The following MTOR variants were observed in gnomAD, a reference collection of about 807,000 sequenced individuals.
MTOR encodes the protein serine/threonine-protein kinase mTOR.
Under a neutral mutation model 319.8 loss-of-function variants are expected in MTOR, and 70 were observed. The observed-to-expected ratio is 0.22, with a 90% CI of 0.18 to 0.27. The LOEUF is 0.27. MTOR is among the 10% of genes least tolerant of loss of function. The pLI, the probability that MTOR is intolerant of heterozygous loss-of-function variation, is 1.00. For synonymous variants in MTOR, 1,183 were observed against 1,211.4 expected, an observed-to-expected ratio of 0.98 and a Z score of 0.49; for missense variants, 1,890 against 3,274.4, an observed-to-expected ratio of 0.58 and a Z score of 10.32.
intron 19 of MTOR, among the ~76,000 whole-genome samples, chr1:11,224,867 T>C (rs1365824367): frequency 1.3e-5 from 2 of 152,174 alleles, no homozygotes; most frequent in Non-Finnish European, 2.9e-5. Context: ...ACATCACTAC[T>C]GAGTAATAAA....
intron 32 of MTOR, among the ~76,000 whole-genome samples, chr1:11,145,725 A>G (rs574606230): frequency 1.3e-5 from 2 of 152,092 alleles, no homozygotes; most frequent in East Asian, 3.9e-4. Context: ...GCTGGTCTTG[A>G]ACTCCTGGTC....
At chr1:11,151,860 CCTCT>C (rs144062447) in intron 30 of MTOR, among the ~76,000 whole-genome samples, 2,956 of 152,256 alleles carry the variant, frequency 0.019, 56 homozygotes, top group East Asian at 0.055. Flanking sequence ...ACTCAGCCTC[CCTCT>C]ATTATTTTTT....
Position 11,199,469 on chromosome 1 carries a change from T to A in MTOR, c.4108-66A>T. The A allele has an allele frequency of 6.2e-7, 1 of 1,613,520 alleles. No homozygotes were observed. Among genetic ancestry groups the A allele is most frequent in the East Asian group, 2.2e-5 (1 of 44,878 alleles). ...ATGGGGCACAAACAAGAGAAGGCTG[T>A]GTGGATGCTTCTCTCCTCCCACCAG... On this transcript the variant is annotated intron_variant, in intron 27 of 57. Transcript: ENST00000361445. This position sits in a 1 kb window ranked among gnomAD's most constrained non-coding sequence, Gnocchi z 4.5.
intron 28 of MTOR, chr1:11,193,789 A>G (rs774398523): frequency 6.2e-7 from 1 of 1,613,548 alleles, no homozygotes. Flanking sequence ...GCACAAGGCC[A>G]GGGGCCCCAT....
At chr1:11,172,805 G>A (rs1644863513) in intron 28 of MTOR, among the ~76,000 whole-genome samples, 2 of 146,798 alleles carry the variant, frequency 1.4e-5, no homozygotes, top group African/African-American at 5.0e-5. Context: ...GGAGGTGGAG[G>A]TTGCTGAGAT....
intron 11 of MTOR, 72 bp downstream of exon 11, chr1:11,240,229 TAG>T: frequency 6.7e-7 from 1 of 1,497,112 alleles, no homozygotes. Context: ...CCAGGAATCC[TAG>T]ATACCTTCAT....
chr1:11,243,401 T>A, intron 8 of MTOR, 101 bp from the exon 9 acceptor site: 1 of 1,159,432 alleles, frequency 8.6e-7, no homozygotes, highest in Non-Finnish European at 1.2e-6. Flanking sequence ...AAGAATAAAT[T>A]AAGAAAGTGG....
intron 20 of MTOR, among the ~76,000 whole-genome samples, 172 bp from the exon 21 acceptor site, chr1:11,213,738 T>C (rs1163982585): frequency 6.6e-6 from 1 of 152,184 alleles, no homozygotes; most frequent in Non-Finnish European, 1.5e-5. Context: ...ATGTTGCAGC[T>C]ACACTGGACA....
At chr1:11,117,165 T>A in intron 49 of MTOR, 79 bp from the exon 50 acceptor site, 1 of 1,212,902 alleles carries the variant, frequency 8.2e-7, no homozygotes, top group Non-Finnish European at 1.2e-6. Context: ...AAGCTGTCTT[T>A]GGTTTGTACT....
At chr1:11,130,313 C>T (rs1280564313) in intron 39 of MTOR, among the ~76,000 whole-genome samples, 3 of 152,236 alleles carry the variant, frequency 2.0e-5, no homozygotes, top group Admixed American at 6.5e-5. Context: ...AAGGAGCTTG[C>T]TCTTCAGCAT....
chr1:11,144,684 T>C lies in MTOR; in HGVS notation c.4836A>G (p.Arg1612=). The change falls in exon 34 of 58, where the codon CGA becomes CGG. Residue 1612 remains arginine, a synonymous_variant. Coordinates refer to ENST00000361445, the MANE Select transcript of MTOR (RefSeq NM_004958.4). The part of the protein sequence containing the change: ...VIQYKLVPER[R]EIIRQIWWER... ...CCCACCAGATCTGGCGGATGATCTC[T>C]CGTCGCTCGGGGACAAGTTTGTACT... 1 of 1,614,148 alleles carries C rather than the reference T, an allele frequency of 6.2e-7. No homozygotes were observed. The highest frequency in any genetic ancestry group is 8.5e-7 in the Non-Finnish European group (1 of 1,180,026).
chr1:11,255,382 CAAAAAAAAAAAAA>C (rs56328160), intron 5 of MTOR, among the ~76,000 whole-genome samples: 31 of 98,206 alleles, frequency 3.2e-4, no homozygotes, highest in Admixed American at 5.8e-4. Context: ...ACTCCATCTC[CAAAAAAAAAAAAA>C]AAAAAAAAAA....
chr1:11,184,056 C>T (rs1645238701), intron 28 of MTOR, among the ~76,000 whole-genome samples: 1 of 152,212 alleles, frequency 6.6e-6, no homozygotes, highest in South Asian at 2.1e-4. Flanking sequence ...TACTGCCTTA[C>T]TTACTGCAGC....
intron 8 of MTOR, among the ~76,000 whole-genome samples, chr1:11,243,957 C>T (rs910837650): frequency 4.6e-5 from 7 of 151,904 alleles, no homozygotes; most frequent in Admixed American, 4.6e-4. Flanking sequence ...GAGTTTGAGG[C>T]CGCACTGAGC....
intron 11 of MTOR, among the ~76,000 whole-genome samples, chr1:11,239,676 A>T (rs1394157798): frequency 6.6e-6 from 1 of 152,140 alleles, no homozygotes; most frequent in Non-Finnish European, 1.5e-5. Context: ...AGGTCGAGGC[A>T]GGCAGATCAC....
chr1:11,157,422 T>C (rs1448473505), intron 29 of MTOR, 131 bp from the exon 30 acceptor site: 1 of 1,193,820 alleles, frequency 8.4e-7, no homozygotes, highest in South Asian at 1.8e-5. Context: ...ACGTCTGGGC[T>C]TGGATTAAAA....
rs751821406 is a variant in MTOR at position 11,108,314 on chromosome 1, ACT to A, written c.7529-30_7529-29del. The A allele has an allele frequency of 2.0e-5, 31 of 1,559,932 alleles. No homozygotes were observed. In the East Asian group the frequency reaches 5.8e-4, roughly 29 times the overall value. ...AGCACAGGAGGAACAAAAACATTTCACTCTCTTCCTGGCAATCGATGCACTTC... is the reference window on the plus strand; with the variant it reads ...AGCACAGGAGGAACAAAAACATTTCACTCTTCCTGGCAATCGATGCACTTC... On this transcript the variant is annotated intron_variant, in intron 56 of 57. Coordinates refer to ENST00000361445, the MANE Select transcript of MTOR (RefSeq NM_004958.4).
At chr1:11,189,931 C>T in intron 28 of MTOR, 1 of 1,612,480 alleles carries the variant, frequency 6.2e-7, no homozygotes, top group Non-Finnish European at 8.5e-7. Flanking sequence ...GCAGGCAGCA[C>T]AGACGGTCAC....
intron 46 of MTOR, among the ~76,000 whole-genome samples, chr1:11,126,041 C>CAAAAAA (rs757246303): frequency 1.4e-4 from 4 of 28,332 alleles, no homozygotes; most frequent in East Asian, 8.8e-4. Flanking sequence ...AACTCTGGCT[C>CAAAAAA]AAAAAAAAAA....
Sources: allele counts gnomAD v4.1 joint callset (sites outside exome capture counted in the v4.1 genomes callset), GRCh38; gene constraint gnomAD v4.1.1; non-coding constraint Gnocchi (gnomAD v3.1); transcripts MANE v1.5; gene names NCBI Gene and HGNC (gene_info 2026-07-23, HGNC 2026-07-21).